IL20RA: variants seen among roughly 807,000 people sequenced by gnomAD.
IL20RA encodes interleukin 20 receptor subunit alpha.
IL20RA carries 29 observed loss-of-function variants against 36.5 expected under a neutral mutation model. The observed-to-expected ratio is 0.79, with a 90% confidence interval of 0.59 to 1.08. IL20RA has a LOEUF of 1.08. Among genes scored for constraint, IL20RA ranks in the 50% least tolerant of loss-of-function variants. The pLI, the probability that IL20RA is intolerant of heterozygous loss-of-function variation, is 0.00. For missense variants in IL20RA, 652 were observed against 668.4 expected (o/e 0.98, Z 0.27); for synonymous variants, 279 against 267.1 (o/e 1.04, Z -0.43).
rs147586353 is a variant in IL20RA, at chr6:137,022,880, G to A, written c.89-5777C>T. ...CAAGAAATGACTGGGACCACCAGGAGTTGGAAGAAGCAAGGAAGGAGGCTT... is the reference window on the plus strand; with the variant it reads ...CAAGAAATGACTGGGACCACCAGGAATTGGAAGAAGCAAGGAAGGAGGCTT... On this transcript the variant is annotated intron_variant, in intron 1 of 6. Transcript: ENST00000316649. 2.9e-3 allele frequency among the ~76,000 whole-genome samples: 446 copies of A among 152,352 alleles called. 3 individuals are homozygous for A. The highest frequency in any genetic ancestry group is 0.01 in the African/African-American group (422 of 41,586).
chr6:137,030,142 A>G (rs1776230264), intron 1 of IL20RA, among the ~76,000 whole-genome samples: 1 of 119,198 alleles, frequency 8.4e-6, no homozygotes, highest in South Asian at 3.0e-4. Flanking sequence ...GTGCAGTGGC[A>G]TGATCATAGC....
chr6:137,025,661 T>G (rs1206179822), intron 1 of IL20RA, among the ~76,000 whole-genome samples: 2 of 152,178 alleles, frequency 1.3e-5, no homozygotes, highest in Non-Finnish European at 2.9e-5. Flanking sequence ...TAGTGGAGTT[T>G]TATAAAATGC....
chr6:137,004,170 T>G (rs1291469443), intron 6 of IL20RA, among the ~76,000 whole-genome samples: 2 of 130,362 alleles, frequency 1.5e-5, no homozygotes, highest in African/African-American at 6.1e-5. Flanking sequence ...TTTTTTTTTT[T>G]TTTTTTTTTT....
rs779216027 is a variant in IL20RA, at chr6:137,009,397, C to G, written c.499G>C (p.Asp167His). 1 of 1,612,346 alleles carries G rather than the reference C, an allele frequency of 6.2e-7. No individual in the cohort carries two copies. Among genetic ancestry groups the G allele is most frequent in the Admixed American group, 1.7e-5 (1 of 59,998 alleles). Reference sequence around the variant, plus strand: ...ATTTGTTGCATGGAAACAGGAAGGTCTTCTGGATTTCTCTTCCACTTCTCT... The same window carrying G: ...ATTTGTTGCATGGAAACAGGAAGGTGTTCTGGATTTCTCTTCCACTTCTCT... ...APEKWKRNPEDLPVSMQQIYS... is the reference protein window; with the variant it reads ...APEKWKRNPEHLPVSMQQIYS... Residue 167 changes from aspartate to histidine, a missense_variant, in exon 4 of 7, where the codon GAC becomes CAC. By Grantham distance (81) the Asp-to-His change is moderately conservative. Transcript: ENST00000316649.
rs562895655 is a variant in IL20RA at position 137,008,810 on chromosome 6, T to C, written c.580-67A>G. ...TCTGGGACCACCCCAGACAAATAAC[T>C]GTAGAAGGAAATAGAAGACCAAGGC... On this transcript the variant is annotated intron_variant, in intron 4 of 6. Transcript: ENST00000316649. 497 of 1,291,490 alleles carry C rather than the reference T, an allele frequency of 3.8e-4. 2 individuals carry two copies. In the African/African-American group the frequency reaches 7.2e-3, roughly 19 times the overall value. 80.0% of individuals were successfully genotyped at this position (1,291,490 alleles called of 1,614,324 possible). A position where few individuals can be genotyped will look rare whatever the true frequency, so the allele number is the denominator to read the frequency against.
chr6:137,021,578 T>G (rs532746580), intron 1 of IL20RA, among the ~76,000 whole-genome samples: 1 of 149,778 alleles, frequency 6.7e-6, no homozygotes, highest in African/African-American at 2.5e-5. Context: ...ATTTGGGAGG[T>G]TGGGGCAGGA....
At chr6:137,007,147 C>A (rs1167071933) in intron 5 of IL20RA, among the ~76,000 whole-genome samples, 1 of 152,182 alleles carries the variant, frequency 6.6e-6, no homozygotes, top group Admixed American at 6.5e-5. Context: ...TCATTCCCAC[C>A]AGCTGGCACT....
intron 1 of IL20RA, among the ~76,000 whole-genome samples, chr6:137,029,246 A>T (rs1351465247): frequency 6.6e-6 from 1 of 152,052 alleles, no homozygotes; most frequent in Non-Finnish European, 1.5e-5. Flanking sequence ...GGTGGCTTGC[A>T]CCTGTAATCC....
intron 1 of IL20RA, among the ~76,000 whole-genome samples, chr6:137,041,312 C>G (rs371725397): frequency 6.6e-6 from 1 of 152,122 alleles, no homozygotes; most frequent in Non-Finnish European, 1.5e-5. Flanking sequence ...GGGTGATACT[C>G]CAGCAAGGTC....
chr6:137,005,642 G>A (rs1582817265), intron 5 of IL20RA, among the ~76,000 whole-genome samples: 2 of 152,202 alleles, frequency 1.3e-5, no homozygotes, highest in East Asian at 3.9e-4. Context: ...CTTCTGTGAA[G>A]GTTTTTGTTG....
chr6:137,025,036 A>G (rs1042697747), intron 1 of IL20RA, among the ~76,000 whole-genome samples: 34 of 152,370 alleles, frequency 2.2e-4, no homozygotes, highest in Middle Eastern at 3.4e-3. Flanking sequence ...GGAACTATCC[A>G]TTTAATGAAC....
At chr6:137,011,772 G>A (rs1386028642) in intron 2 of IL20RA, among the ~76,000 whole-genome samples, 1 of 152,152 alleles carries the variant, frequency 6.6e-6, no homozygotes, top group Admixed American at 6.5e-5. Context: ...AATTCTTCTA[G>A]TAATTATCTG....
At chr6:137,002,428 T>G in intron 6 of IL20RA, 73 bp from the exon 7 acceptor site, 1 of 956,710 alleles carries the variant, frequency 1.0e-6, no homozygotes, top group Non-Finnish European at 1.6e-6. Flanking sequence ...TTAGGTAGAA[T>G]ATCTTGTCAC....
Position 137,008,645 on chromosome 6 carries a change from A to G in IL20RA, c.678T>C (p.Pro226=). ...VHVESFVPGP[P]RRAQPSEKQC... is the part of the protein sequence containing the mutation. The stretch of plus-strand genomic sequence containing the variant: ...GCTTCTCAGAAGGCTGAGCACGGCG[A>G]GGGGGCCCTGGGACGAAGGACTCCA... Residue 226 remains proline, a synonymous_variant, in exon 5 of 7, where the codon CCT becomes CCC. Transcript: ENST00000316649. 6.2e-7 allele frequency: 1 copy of G among 1,607,208 alleles called. No homozygotes were observed. The highest frequency in any genetic ancestry group is 1.1e-5 in the South Asian group (1 of 88,804).
rs1182330976 is a variant in IL20RA at position 137,011,440 on chromosome 6, C to A, written c.237G>T (p.Lys79Asn). ...TGCATTCTGATTTATTCAGCCATTT[C>A]TTTTGCCCATATCTGCTAAGAAAGA... The part of the protein sequence containing the change: ...YTVQYFIYGQ[K>N]KWLNKSECRN... The change falls in exon 3 of 7, where the codon AAG (lysine) becomes AAT (asparagine). Residue 79 changes from lysine (K) to asparagine (N), a missense_variant. Physicochemically the swap from Lys to Asn is moderately conservative, Grantham distance 94. Coordinates refer to ENST00000316649, the MANE Select transcript of IL20RA (RefSeq NM_014432.4). The A allele has an allele frequency of 1.2e-6, 2 of 1,611,976 alleles. No homozygotes were observed. Among genetic ancestry groups the A allele is most frequent in the Non-Finnish European group, 1.7e-6 (2 of 1,178,746 alleles).
Position 137,001,792 on chromosome 6 carries a change from C to T in IL20RA, c.1428G>A (p.Ser476=), listed in dbSNP as rs1205275677. 6 of 1,613,100 alleles carry T rather than the reference C, an allele frequency of 3.7e-6. No homozygotes were observed. The highest frequency in any genetic ancestry group is 1.1e-5 in the South Asian group (1 of 90,922). Residue 476 remains serine (S), a synonymous_variant, in exon 7 of 7, where the codon TCG becomes TCA. Transcript: ENST00000316649. ...DSEEGPEEEP[S]TTLVDWDPQT... ...GGGGATCCCAGTCGACCAGGGTCGT[C>T]GATGGCTCTTCCTCCGGCCCCTCCT... is the stretch of plus-strand genomic sequence containing the variant.
intron 2 of IL20RA, among the ~76,000 whole-genome samples, chr6:137,016,114 C>A (rs1775673996): frequency 6.6e-6 from 1 of 152,186 alleles, no homozygotes; most frequent in Non-Finnish European, 1.5e-5. Context: ...CCAGTGCCAC[C>A]TCCCTTTCCT....
chr6:137,043,990 G>T, intron 1 of IL20RA: 2 of 508,834 alleles, frequency 3.9e-6, no homozygotes, highest in Non-Finnish European at 5.1e-6. Flanking sequence ...TGTCGTAAAC[G>T]AGTTAAAAGT....
intron 6 of IL20RA, among the ~76,000 whole-genome samples, chr6:137,004,174 T>TTTTTTTTTTTTTTTTTTTTTTG (rs1562228088): frequency 8.0e-6 from 1 of 124,450 alleles, no homozygotes; most frequent in African/African-American, 3.1e-5. Context: ...TTTTTTTTTT[T>TTTTTTTTTTTTTTTTTTTTTTG]TTTTTTTTTT....
Sources: gnomAD v4.1 joint callset for allele counts (sites outside exome capture counted in the v4.1 genomes callset) on GRCh38, gnomAD v4.1.1 for gene constraint, MANE v1.5 for transcripts, NCBI Gene and HGNC (gene_info 2026-07-23, HGNC 2026-07-21) for gene names.